SEM1: variants seen among roughly 807,000 people sequenced by gnomAD.
SEM1 encodes the protein SEM1 26S proteasome subunit, also known as 26S proteasome complex subunit SEM1.
In SEM1, 3 loss-of-function variants were observed where a neutral mutation model predicts 12.7. The ratio of observed to expected loss-of-function variants is 0.24; its 90% CI spans 0.11 to 0.61. SEM1 has a LOEUF of 0.61. Ranked by LOEUF, SEM1 falls within the 20% of genes least tolerant of loss-of-function variation. SEM1 has a pLI of 0.88. For synonymous variants in SEM1, 30 were observed against 27.8 expected, an observed-to-expected ratio of 1.08 and a Z score of -0.25; for missense variants, 59 against 81.3, an observed-to-expected ratio of 0.73 and a Z score of 1.06.
chr7:96,675,526 T>TATAAAATGGTATAAC, intron 2 of SEM1, among the ~76,000 whole-genome samples: 1 of 152,100 alleles, frequency 6.6e-6, no homozygotes, highest in Non-Finnish European at 1.5e-5. Context: ...ATTTACCATT[T>TATAAAATGGTATAAC]TATAGTTATC....
At chr7:96,558,310 C>G (rs1306694901) in intron 2 of SEM1, 1 of 152,288 alleles carries the variant, frequency 6.6e-6, no homozygotes, top group Non-Finnish European at 1.5e-5. Context: ...CAGTCTTTGC[C>G]TTCCAGAAGT....
At chr7:96,515,229 A>C (rs1482913118) in intron 2 of SEM1, among the ~76,000 whole-genome samples, 1 of 152,212 alleles carries the variant, frequency 6.6e-6, no homozygotes. Flanking sequence ...ATGAACAGAC[A>C]CTTCTCAAAA....
intron 2 of SEM1, among the ~76,000 whole-genome samples, chr7:96,675,106 A>C (rs566187151): frequency 2.6e-4 from 40 of 151,714 alleles, no homozygotes; most frequent in African/African-American, 9.7e-4. Context: ...CCCCCCAAAA[A>C]TAAATAAAAA....
intron 2 of SEM1, among the ~76,000 whole-genome samples, chr7:96,520,135 C>T (rs1804225961): frequency 6.6e-6 from 1 of 152,084 alleles, no homozygotes; most frequent in African/African-American, 2.4e-5. Flanking sequence ...TAGGATCATA[C>T]ATACATACAT....
At chr7:96,485,747 G>A (rs1014779015) in intron 2 of SEM1, among the ~76,000 whole-genome samples, 1 of 151,628 alleles carries the variant, frequency 6.6e-6, no homozygotes, top group African/African-American at 2.4e-5. Flanking sequence ...TCACTATGTT[G>A]GCCAGGTTGG....
At chr7:96,675,415 G>A (rs529774360) in intron 2 of SEM1, among the ~76,000 whole-genome samples, 6 of 152,088 alleles carry the variant, frequency 3.9e-5, no homozygotes, top group African/African-American at 7.2e-5. Flanking sequence ...CTTAAATGCC[G>A]TTAGTTCTAA....
At chr7:96,677,494 T>C (rs1584856125) in intron 2 of SEM1, among the ~76,000 whole-genome samples, 1 of 152,178 alleles carries the variant, frequency 6.6e-6, no homozygotes, top group South Asian at 2.1e-4. Context: ...TTAGGGTTAA[T>C]TGGTTGCAAG....
At chr7:96,550,056 T>C (rs2115834833) in intron 2 of SEM1, among the ~76,000 whole-genome samples, 1 of 152,298 alleles carries the variant, frequency 6.6e-6, no homozygotes, top group East Asian at 1.9e-4. Context: ...ATTAGGTTTT[T>C]ATTAATATAA....
chr7:96,646,936 G>C (rs1452245277), intron 2 of SEM1, among the ~76,000 whole-genome samples: 1 of 152,130 alleles, frequency 6.6e-6, no homozygotes, highest in Non-Finnish European at 1.5e-5. Context: ...GGTTTTGAAG[G>C]AATGTTTGCT....
At chr7:96,500,586 A>C (rs1172152935), upstream of SEM1, among the ~76,000 whole-genome samples, 1 of 152,120 alleles carries the variant, frequency 6.6e-6, no homozygotes, top group Non-Finnish European at 1.5e-5. Flanking sequence ...TGCATATTCC[A>C]GGGGGACCTC....
chr7:96,583,183 G>A lies in SEM1; in HGVS notation c.171-76485C>T, dbSNP rs1168473460. 1.9e-4 allele frequency among the ~76,000 whole-genome samples: 29 copies of A among 149,982 alleles called. No homozygotes were observed. In the South Asian group the frequency reaches 4.8e-3, roughly 25 times the overall value. ...TCTGGTATGTTGTGTCTTTGTTCTC[G>A]TTGGTTTCAAAGAACATCTTTATTT... On this transcript the variant is annotated intron_variant and NMD_transcript_variant, in intron 2 of 3. Coordinates refer to the SEM1 transcript ENST00000466986.
chr7:96,676,750 T>C (rs1477138768), intron 2 of SEM1, among the ~76,000 whole-genome samples: 2 of 152,202 alleles, frequency 1.3e-5, no homozygotes, highest in Admixed American at 6.5e-5. Context: ...ATCACAAATT[T>C]ATACAGAGGA....
intron 2 of SEM1, among the ~76,000 whole-genome samples, chr7:96,555,762 G>C (rs550964398): frequency 7.1e-6 from 1 of 141,794 alleles, no homozygotes; most frequent in Non-Finnish European, 1.6e-5. Flanking sequence ...TTTCTGTCTC[G>C]TTGATCTGTC....
intron 2 of SEM1, among the ~76,000 whole-genome samples, chr7:96,561,975 T>C (rs1446012468): frequency 1.3e-5 from 2 of 152,194 alleles, no homozygotes; most frequent in African/African-American, 2.4e-5. Flanking sequence ...TTGGTTTCTT[T>C]TTACAACTGT....
intron 2 of SEM1, among the ~76,000 whole-genome samples, chr7:96,540,333 A>G (rs1293865285): frequency 6.6e-6 from 1 of 151,798 alleles, no homozygotes; most frequent in Non-Finnish European, 1.5e-5. Context: ...TAAATTTCAT[A>G]TGATTTAAAT....
chr7:96,490,965 G>A (rs1802983105), intron 1 of SEM1, among the ~76,000 whole-genome samples: 1 of 152,158 alleles, frequency 6.6e-6, no homozygotes, highest in Admixed American at 6.5e-5. Context: ...CCTGGATTCT[G>A]GTCTCAGCTC....
chr7:96,502,553 T>G (rs947732245), intron 3 of SEM1, among the ~76,000 whole-genome samples: 1 of 152,304 alleles, frequency 6.6e-6, no homozygotes, highest in South Asian at 2.1e-4. Flanking sequence ...TCTCACTAAC[T>G]TGTGAGAATT....
chr7:96,537,702 G>A (rs1015571640), intron 2 of SEM1, among the ~76,000 whole-genome samples: 1 of 151,594 alleles, frequency 6.6e-6, no homozygotes, highest in Non-Finnish European at 1.5e-5. Flanking sequence ...TTGATTTGCT[G>A]CAGGTTGATT....
downstream of SEM1, chr7:96,622,365 G>C: frequency 2.0e-6 from 1 of 499,360 alleles, no homozygotes; most frequent in Non-Finnish European, 3.6e-6. Flanking sequence ...TTATTTCAGA[G>C]CTTTGAGACA....
Sources: allele counts gnomAD v4.1 joint callset (sites outside exome capture counted in the v4.1 genomes callset), GRCh38; gene constraint gnomAD v4.1.1; transcripts MANE v1.5; gene names NCBI Gene and HGNC (gene_info 2026-07-23, HGNC 2026-07-21).